The following UNC80 variants were observed in gnomAD, a reference collection of about 807,000 sequenced individuals.
UNC80 encodes protein unc-80 homolog.
Under a neutral mutation model 384.6 loss-of-function variants are expected in UNC80, and 164 were observed. The observed-to-expected ratio is 0.43, with a 90% confidence interval of 0.38 to 0.49. The LOEUF (loss-of-function observed/expected upper bound fraction) is 0.49. UNC80 is among the 20% of genes least tolerant of loss of function. The pLI is 0.00. For synonymous variants in UNC80, 1,486 were observed against 1,527.8 expected (o/e 0.97, Z 0.64); for missense variants, 3,330 against 4,143.0 (o/e 0.80, Z 5.39).
intron 42 of UNC80, among the ~76,000 whole-genome samples, chr2:209,938,132 C>G (rs1225149076): frequency 6.6e-6 from 1 of 152,036 alleles, no homozygotes; most frequent in Admixed American, 6.6e-5. Context: ...ATTAATTTCT[C>G]TTGAAACAGG....
At chr2:209,843,323 A>G (rs1197183268) in intron 21 of UNC80, among the ~76,000 whole-genome samples, 1 of 152,214 alleles carries the variant, frequency 6.6e-6, no homozygotes, top group East Asian at 1.9e-4. Context: ...TTTTCATATC[A>G]CATAATTGGT....
intron 60 of UNC80, 139 bp from the exon 61 acceptor site, chr2:209,984,717 G>T (rs758560839): frequency 7.5e-5 from 59 of 789,054 alleles, no homozygotes; most frequent in Non-Finnish European, 1.0e-4. Context: ...ATGGTTGACT[G>T]TCTCCTTTTC....
intron 20 of UNC80, among the ~76,000 whole-genome samples, chr2:209,841,641 C>T (rs115570116): frequency 0.013 from 2,038 of 152,210 alleles, 48 homozygotes; most frequent in African/African-American, 0.045. Context: ...TGAGCCACCA[C>T]GCCCAGCCAA....
rs2091480923 is a variant in UNC80, at chr2:209,939,540, C to G, written c.6534C>G (p.Pro2178=). Residue 2178 remains proline (P), a synonymous_variant, in exon 43 of 65, where the codon CCC becomes CCG. Coordinates refer to ENST00000673920, the MANE Select transcript of UNC80 (RefSeq NM_001371986.1). Reference sequence around the variant, plus strand: ...TCATCTCCCTAACCCAGAAGATCCCCACAGCCCACAAACAGTCCCACGTCT... The same window carrying G: ...TCATCTCCCTAACCCAGAAGATCCCGACAGCCCACAAACAGTCCCACGTCT... ...LFLISLTQKI[P]TAHKQSHVSM... is the part of the protein sequence containing the mutation. 1 of 1,551,570 alleles carries G rather than the reference C, an allele frequency of 6.4e-7. No individual in the cohort carries two copies. The highest frequency in any genetic ancestry group is 1.4e-5 in the African/African-American group (1 of 73,020).
intron 22 of UNC80, among the ~76,000 whole-genome samples, chr2:209,869,916 G>A (rs1318858673): frequency 6.6e-6 from 1 of 152,104 alleles, no homozygotes; most frequent in Admixed American, 6.6e-5. Flanking sequence ...ATTCAAAAAT[G>A]CCTTGGGCTT....
chr2:209,787,821 T>A (rs2077538427), intron 5 of UNC80, among the ~76,000 whole-genome samples: 2 of 152,238 alleles, frequency 1.3e-5, no homozygotes, highest in East Asian at 3.8e-4. Context: ...TAGAATATAT[T>A]TCTTCTACTC....
At chr2:209,814,977 TA>T (rs139113274) in intron 8 of UNC80, among the ~76,000 whole-genome samples, 6 of 149,250 alleles carry the variant, frequency 4.0e-5, no homozygotes, top group Admixed American at 6.7e-5. Context: ...TCTTTTTAAT[TA>T]AAAAAAAAAG....
At position 209,865,384 on chromosome 2, in the gene UNC80, C is replaced by T. The variant is rs1312861499; in HGVS notation, c.3628-7374C>T. On this transcript the variant is annotated intron_variant, in intron 22 of 64. Transcript: ENST00000673920. ...TTGGGAGGCCAAGGCAGGCGGATCG[C>T]GAGGTCAGGAGATCGAGACCATCCT... Among the ~76,000 whole-genome samples the T allele has an allele frequency of 2.6e-5, 4 of 152,038 alleles. No homozygotes were observed. In the East Asian group the frequency reaches 5.8e-4, roughly 22 times the overall value.
intron 33 of UNC80, among the ~76,000 whole-genome samples, chr2:209,918,882 G>A (rs2089791370): frequency 6.6e-6 from 1 of 152,120 alleles, no homozygotes; most frequent in African/African-American, 2.4e-5. Flanking sequence ...CAAAGCAGAA[G>A]CCACCTTTAA....
intron 23 of UNC80, among the ~76,000 whole-genome samples, chr2:209,877,231 C>T (rs2084859718): frequency 6.6e-6 from 1 of 152,074 alleles, no homozygotes; most frequent in Non-Finnish European, 1.5e-5. Context: ...CTTCTTGTGG[C>T]AAATTCCTTT....
intron 7 of UNC80, among the ~76,000 whole-genome samples, chr2:209,811,519 GA>G (rs1245704153): frequency 6.6e-6 from 1 of 152,196 alleles, no homozygotes. Context: ...GAAGTGGTTG[GA>G]AGGAGATTCT....
At chr2:209,857,061 A>G (rs2124853284) in intron 22 of UNC80, among the ~76,000 whole-genome samples, 1 of 152,236 alleles carries the variant, frequency 6.6e-6, no homozygotes, top group Admixed American at 6.5e-5. Context: ...AAGTGCTGGG[A>G]TTACAGGTGT....
At chr2:209,815,134 A>G in intron 8 of UNC80, 123 bp from the exon 9 acceptor site, 1 of 884,968 alleles carries the variant, frequency 1.1e-6, no homozygotes, top group Non-Finnish European at 1.6e-6. Flanking sequence ...CCAGACATAC[A>G]AGTTCAATTG....
chr2:209,817,124 A>G lies in UNC80; in HGVS notation c.1551A>G (p.Leu517=), dbSNP rs1214918429. 1.3e-6 allele frequency: 2 copies of G among 1,551,260 alleles called. No individual in the cohort carries two copies. Among genetic ancestry groups the G allele is most frequent in the Non-Finnish European group, 1.7e-6 (2 of 1,146,994 alleles). ...AAGGAGGCTGGCAAACCACCATTTTAGGTGACCACAAGGCCTTCCAAAATA... is the reference window on the plus strand; with the variant it reads ...AAGGAGGCTGGCAAACCACCATTTTGGGTGACCACAAGGCCTTCCAAAATA... ...IEKGGWQTTI[L]GKLTRRGSSD... is the part of the protein sequence containing the mutation. Residue 517 remains leucine, a splice_region_variant and synonymous_variant, in exon 10 of 65, where the codon TTA becomes TTG. Transcript: ENST00000673920.
chr2:209,802,570 C>A (rs1210204383), intron 7 of UNC80, among the ~76,000 whole-genome samples: 1 of 152,152 alleles, frequency 6.6e-6, no homozygotes, highest in Admixed American at 6.5e-5. Flanking sequence ...TTAGTGCTCC[C>A]TCTTGAAGTT....
At position 209,831,701 on chromosome 2, in the gene UNC80, T is replaced by C. The variant is rs907485532; in HGVS notation, c.2775+110T>C. The C allele has an allele frequency of 2.4e-6, 3 of 1,238,814 alleles. No homozygotes were observed. The African/African-American group carries it at 4.6e-5, about 19-fold the overall frequency. The allele number at this position is 1,238,814 out of a possible 1,614,324, so 76.7% of individuals were successfully genotyped here. ...AGCTGAAATCTAAAAGTCTACACTTTAAAGTTTAAATATCTATTTTCCCCG... is the reference window on the plus strand; with the variant it reads ...AGCTGAAATCTAAAAGTCTACACTTCAAAGTTTAAATATCTATTTTCCCCG... On this transcript the variant is annotated intron_variant, in intron 16 of 64. Transcript: ENST00000673920.
chr2:209,829,184 G>A, intron 14 of UNC80, 48 bp from the exon 15 acceptor site: 2 of 1,546,902 alleles, frequency 1.3e-6, no homozygotes, highest in Non-Finnish European at 1.7e-6. Flanking sequence ...AGTATCCATA[G>A]CTTAAGCTGG....
intron 61 of UNC80, among the ~76,000 whole-genome samples, chr2:209,987,246 C>T (rs2093307828): frequency 6.6e-6 from 1 of 152,064 alleles, no homozygotes; most frequent in Admixed American, 6.5e-5. Context: ...CCAAGATAAC[C>T]TGATGAATAG....
At chr2:209,945,719 G>A (rs762963707) in intron 46 of UNC80, 128 bp from the exon 47 acceptor site, 40 of 589,374 alleles carry the variant, frequency 6.8e-5, no homozygotes, top group South Asian at 1.0e-4. Flanking sequence ...TTTTCACAGC[G>A]TAGGAATAAA....
Sources: gnomAD v4.1 joint callset for allele counts (sites outside exome capture counted in the v4.1 genomes callset) on GRCh38, gnomAD v4.1.1 for gene constraint, MANE v1.5 for transcripts, NCBI Gene and HGNC (gene_info 2026-07-23, HGNC 2026-07-21) for gene names.